Variants in SPIRE1 observed in about 807,000 individuals in gnomAD.
SPIRE1 encodes protein spire homolog 1.
In SPIRE1, 40 loss-of-function variants were observed where a neutral mutation model predicts 94.1. The observed-to-expected ratio is 0.43, with a 90% CI of 0.33 to 0.55. SPIRE1 has a LOEUF of 0.55. Ranked by LOEUF, SPIRE1 falls within the 20% of genes least tolerant of loss-of-function variation. The pLI is 0.06. For missense variants in SPIRE1, 838 were observed against 975.2 expected, an observed-to-expected ratio of 0.86 and a Z score of 1.87; for synonymous variants, 376 against 371.7, an observed-to-expected ratio of 1.01 and a Z score of -0.13.
intron 1 of SPIRE1, 53 bp downstream of exon 1, chr18:12,657,477 C>A: frequency 8.3e-7 from 1 of 1,208,664 alleles, no homozygotes; most frequent in Non-Finnish European, 1.0e-6. Flanking sequence ...GGTAAGGCGG[C>A]CCAGCCGCGG....
At chr18:12,573,299 G>A (rs758572406) in intron 2 of SPIRE1, among the ~76,000 whole-genome samples, 1 of 151,848 alleles carries the variant, frequency 6.6e-6, no homozygotes, top group African/African-American at 2.4e-5. Flanking sequence ...ACACCCCTCC[G>A]AGAGTAACTA....
chr18:12,601,227 A>G (rs2036825527), intron 2 of SPIRE1, among the ~76,000 whole-genome samples: 1 of 151,820 alleles, frequency 6.6e-6, no homozygotes, highest in Non-Finnish European at 1.5e-5. Flanking sequence ...CAGCCCAGCC[A>G]ACACGGCAAA....
intron 4 of SPIRE1, among the ~76,000 whole-genome samples, chr18:12,518,447 G>T (rs1200130158): frequency 1.3e-5 from 2 of 151,326 alleles, no homozygotes; most frequent in East Asian, 1.9e-4. Flanking sequence ...AGCTGTGATT[G>T]CATCACTGCA....
intron 2 of SPIRE1, among the ~76,000 whole-genome samples, chr18:12,576,312 T>A (rs1035005569): frequency 6.6e-6 from 1 of 152,082 alleles, no homozygotes; most frequent in African/African-American, 2.4e-5. Flanking sequence ...TTAAGACTTA[T>A]AATCACCGGG....
At chr18:12,528,282 A>C (rs1045002721) in intron 4 of SPIRE1, among the ~76,000 whole-genome samples, 3 of 152,208 alleles carry the variant, frequency 2.0e-5, no homozygotes, top group Non-Finnish European at 4.4e-5. Context: ...TTCACAGTCT[A>C]GTGGGAGATA....
chr18:12,650,561 T>A (rs1407827674), intron 1 of SPIRE1, among the ~76,000 whole-genome samples: 1 of 151,632 alleles, frequency 6.6e-6, no homozygotes, highest in Non-Finnish European at 1.5e-5. Context: ...ATACAAAAAA[T>A]TAGCTGGGCG....
At chr18:12,536,941 T>C (rs765377191) in intron 3 of SPIRE1, among the ~76,000 whole-genome samples, 5 of 152,260 alleles carry the variant, frequency 3.3e-5, no homozygotes, top group African/African-American at 4.8e-5. Context: ...ACGCATCTTA[T>C]TTTAATAATT....
intron 2 of SPIRE1, among the ~76,000 whole-genome samples, chr18:12,547,515 C>T (rs943308119): frequency 2.0e-5 from 3 of 152,196 alleles, no homozygotes; most frequent in Non-Finnish European, 4.4e-5. Context: ...GACAACTGCT[C>T]CAGACTTTGG....
intron 10 of SPIRE1, among the ~76,000 whole-genome samples, chr18:12,466,701 A>G (rs78632204): frequency 0.025 from 3,853 of 152,290 alleles, 165 homozygotes; most frequent in African/African-American, 0.087. Context: ...TTTAATTTAA[A>G]AAATTTTTGT....
At chr18:12,483,060 C>A (rs1347510718) in intron 9 of SPIRE1, among the ~76,000 whole-genome samples, 1 of 151,822 alleles carries the variant, frequency 6.6e-6, no homozygotes, top group Non-Finnish European at 1.5e-5. Context: ...CCCACCTCAG[C>A]CTCCCAAGTA....
intron 9 of SPIRE1, among the ~76,000 whole-genome samples, chr18:12,481,223 G>A (rs868027186): frequency 1.3e-4 from 20 of 151,944 alleles, no homozygotes; most frequent in South Asian, 4.1e-4. Flanking sequence ...CCAGCTACTC[G>A]AGAGGCTGAG....
At chr18:12,626,887 T>TTA (rs2037644964) in intron 2 of SPIRE1, among the ~76,000 whole-genome samples, 1 of 53,520 alleles carries the variant, frequency 1.9e-5, no homozygotes, top group South Asian at 8.9e-4. Context: ...TATATATATA[T>TTA]TTTTTTTTTT....
At chr18:12,596,232 G>T (rs892828801) in intron 2 of SPIRE1, among the ~76,000 whole-genome samples, 2 of 152,112 alleles carry the variant, frequency 1.3e-5, no homozygotes, top group Admixed American at 6.6e-5. Context: ...AAAATGAAGG[G>T]CAAAATAAAA....
At chr18:12,454,622 G>GAAAA in intron 12 of SPIRE1, 139 bp from the exon 13 acceptor site, 1 of 719,546 alleles carries the variant, frequency 1.4e-6, no homozygotes. Flanking sequence ...GGCAGAGCTG[G>GAAAA]CTCCCTCTGG....
chr18:12,490,917 A>T (rs766397589), intron 8 of SPIRE1, among the ~76,000 whole-genome samples: 1 of 152,178 alleles, frequency 6.6e-6, no homozygotes, highest in South Asian at 2.1e-4. Flanking sequence ...TAGTACTGGT[A>T]GTTCTAGCCA....
chr18:12,479,659 C>A lies in SPIRE1; in HGVS notation c.1404+40G>T, dbSNP rs528303538. 1.3e-5 allele frequency: 20 copies of A among 1,548,410 alleles called. No homozygotes were observed. In the South Asian group the frequency reaches 2.3e-4, roughly 17 times the overall value. On this transcript the variant is annotated intron_variant, in intron 10 of 16. Transcript: ENST00000409402. ...AACTGCATCAGACAGCATTAAGCACCCTCATCTTGGGAGTCAAGCTGGGTG... is the reference window on the plus strand; with the variant it reads ...AACTGCATCAGACAGCATTAAGCACACTCATCTTGGGAGTCAAGCTGGGTG...
intron 2 of SPIRE1, among the ~76,000 whole-genome samples, chr18:12,553,115 G>A (rs2035402356): frequency 6.6e-6 from 1 of 152,168 alleles, no homozygotes; most frequent in African/African-American, 2.4e-5. Context: ...ACTACAGGAT[G>A]AGTTGGCTTC....
chr18:12,506,672 T>G (rs745630916), intron 5 of SPIRE1, 31 bp from the exon 6 acceptor site: 17 of 1,603,148 alleles, frequency 1.1e-5, no homozygotes, highest in Non-Finnish European at 1.4e-5. Flanking sequence ...GAGACATCAA[T>G]GAATAAATGT....
At chr18:12,526,005 C>G (rs1228547980) in intron 4 of SPIRE1, among the ~76,000 whole-genome samples, 1 of 145,196 alleles carries the variant, frequency 6.9e-6, no homozygotes, top group East Asian at 2.1e-4. Flanking sequence ...GTAATACATG[C>G]TAAACAAGGG....
Sources: gnomAD v4.1 joint callset for allele counts (sites outside exome capture counted in the v4.1 genomes callset) on GRCh38, gnomAD v4.1.1 for gene constraint, MANE v1.5 for transcripts, NCBI Gene and HGNC (gene_info 2026-07-23, HGNC 2026-07-21) for gene names.